The following MAP3K7CL variants were observed in gnomAD, a reference collection of about 807,000 sequenced individuals.
MAP3K7CL encodes MAP3K7 C-terminal-like protein.
A neutral mutation model predicts 18.6 loss-of-function variants in MAP3K7CL; 16 were observed. The observed-to-expected ratio is 0.86, with a 90% CI of 0.58 to 1.31. The LOEUF (loss-of-function observed/expected upper bound fraction) is 1.31, where lower values mean the gene tolerates loss of function less well. Ranked by LOEUF, MAP3K7CL falls within the 50% of genes most tolerant of loss-of-function variation. MAP3K7CL has a pLI of 0.00. For synonymous variants in MAP3K7CL, 65 were observed against 66.8 expected (o/e 0.97, Z 0.13); for missense variants, 163 against 174.4 (o/e 0.93, Z 0.37).
chr21:29,078,340 A>AT (rs2085782616), intron 1 of MAP3K7CL, among the ~76,000 whole-genome samples: 1 of 152,002 alleles, frequency 6.6e-6, no homozygotes, highest in South Asian at 2.1e-4. Context: ...ATAAATTTAA[A>AT]TTTTTTTCTC....
At chr21:29,161,297 G>A (rs1032922009) in intron 4 of MAP3K7CL, among the ~76,000 whole-genome samples, 2 of 152,140 alleles carry the variant, frequency 1.3e-5, no homozygotes, top group Non-Finnish European at 2.9e-5. Flanking sequence ...GGGCAACAGA[G>A]TGAGACTCTA....
intron 3 of MAP3K7CL, among the ~76,000 whole-genome samples, chr21:29,153,568 C>T (rs2087328128): frequency 6.6e-6 from 1 of 152,162 alleles, no homozygotes; most frequent in Non-Finnish European, 1.5e-5. Context: ...CCCACCCCAG[C>T]CTCTTGAGTA....
At chr21:29,168,207 C>A (rs1002397989) in intron 4 of MAP3K7CL, among the ~76,000 whole-genome samples, 1 of 152,102 alleles carries the variant, frequency 6.6e-6, no homozygotes, top group African/African-American at 2.4e-5. Flanking sequence ...CAAGTGTTTG[C>A]AGGATATATA....
At chr21:29,139,124 G>A (rs192866326) in intron 2 of MAP3K7CL, among the ~76,000 whole-genome samples, 134 of 152,282 alleles carry the variant, frequency 8.8e-4, no homozygotes, top group Non-Finnish European at 1.6e-3. Context: ...AGGATGTTTT[G>A]TGTGGTAGGG....
upstream of MAP3K7CL, among the ~76,000 whole-genome samples, chr21:29,128,765 G>A (rs145553421): frequency 1.9e-4 from 29 of 152,224 alleles, no homozygotes; most frequent in African/African-American, 5.5e-4. Context: ...CTGTCAAATC[G>A]GGATGGCAAT....
At chr21:29,106,849 A>G (rs1206229511) in intron 4 of MAP3K7CL, among the ~76,000 whole-genome samples, 2 of 152,056 alleles carry the variant, frequency 1.3e-5, no homozygotes, top group East Asian at 1.9e-4. Flanking sequence ...CATCCTGAAC[A>G]CTTGTCTATT....
chr21:29,123,975 A>G (rs1258976350), intron 4 of MAP3K7CL, among the ~76,000 whole-genome samples: 1 of 152,216 alleles, frequency 6.6e-6, no homozygotes, highest in Non-Finnish European at 1.5e-5. Flanking sequence ...ACTAAAATAT[A>G]AGATAAACAT....
intron 4 of MAP3K7CL, among the ~76,000 whole-genome samples, chr21:29,173,041 A>G (rs991293590): frequency 7.9e-5 from 12 of 152,206 alleles, no homozygotes; most frequent in Admixed American, 4.6e-4. Context: ...AATGTAAGGA[A>G]GATAGTATTT....
intron 3 of MAP3K7CL, among the ~76,000 whole-genome samples, chr21:29,154,726 A>G (rs1344132680): frequency 6.6e-6 from 1 of 152,236 alleles, no homozygotes; most frequent in Non-Finnish European, 1.5e-5. Flanking sequence ...CCATCTGGAA[A>G]TGTGGTTAGG....
At chr21:29,157,945 T>C (rs772224716) in intron 3 of MAP3K7CL, among the ~76,000 whole-genome samples, 4 of 152,252 alleles carry the variant, frequency 2.6e-5, no homozygotes, top group Non-Finnish European at 5.9e-5. Context: ...TGTAGAGTTC[T>C]AGAACTTTTT....
chr21:29,158,710 A>T (rs1298311931), intron 3 of MAP3K7CL, among the ~76,000 whole-genome samples: 2 of 152,172 alleles, frequency 1.3e-5, no homozygotes, highest in African/African-American at 4.8e-5. Flanking sequence ...ATTAGTTCTC[A>T]ATTTCCTAAT....
intron 4 of MAP3K7CL, among the ~76,000 whole-genome samples, chr21:29,173,466 A>G (rs558951811): frequency 4.2e-4 from 64 of 152,364 alleles, no homozygotes; most frequent in African/African-American, 1.3e-3. Context: ...TCTAATGCTA[A>G]CACCAGCAGT....
intron 3 of MAP3K7CL, among the ~76,000 whole-genome samples, chr21:29,151,561 C>T (rs1463296137): frequency 6.6e-6 from 1 of 152,166 alleles, no homozygotes; most frequent in Non-Finnish European, 1.5e-5. Flanking sequence ...CATATTTTTT[C>T]CTCTTTATTC....
chr21:29,091,147 G>A (rs2146499401), intron 1 of MAP3K7CL, among the ~76,000 whole-genome samples: 1 of 152,198 alleles, frequency 6.6e-6, no homozygotes, highest in Non-Finnish European at 1.5e-5. Context: ...AACTGTACTG[G>A]ACAACACATC....
intron 4 of MAP3K7CL, chr21:29,122,086 A>G (rs2086603500): frequency 1.3e-5 from 2 of 152,158 alleles, no homozygotes; most frequent in African/African-American, 2.4e-5. Context: ...GTGCTCCCTC[A>G]TGTTAAATTT....
chr21:29,097,915 T>G (rs2086151031), intron 4 of MAP3K7CL, among the ~76,000 whole-genome samples: 1 of 152,114 alleles, frequency 6.6e-6, no homozygotes, highest in Non-Finnish European at 1.5e-5. Context: ...AACTGTACAT[T>G]CTATAAACTG....
intron 4 of MAP3K7CL, among the ~76,000 whole-genome samples, chr21:29,112,412 CTTTGT>C (rs1200776149): frequency 1.1e-4 from 16 of 151,984 alleles, no homozygotes; most frequent in African/African-American, 3.9e-4. Flanking sequence ...TCTTTTATTA[CTTTGT>C]TTTATGTGTC....
chr21:29,148,128 A>T (rs747277503), intron 2 of MAP3K7CL, among the ~76,000 whole-genome samples: 1 of 146,540 alleles, frequency 6.8e-6, no homozygotes. Context: ...GTGTGTCTGT[A>T]TTTTATATGT....
chr21:29,174,607 A>G, intron 4 of MAP3K7CL, 105 bp from the exon 5 acceptor site: 1 of 1,391,452 alleles, frequency 7.2e-7, no homozygotes, highest in Non-Finnish European at 9.8e-7. Flanking sequence ...AAAAATTCAG[A>G]ACAGCAGAAT....
Sources: gnomAD v4.1 joint callset for allele counts (sites outside exome capture counted in the v4.1 genomes callset) on GRCh38, gnomAD v4.1.1 for gene constraint, MANE v1.5 for transcripts, NCBI Gene and HGNC (gene_info 2026-07-23, HGNC 2026-07-21) for gene names.